The following LMF1 variants were observed in gnomAD, a reference collection of about 807,000 sequenced individuals.
LMF1 encodes lipase maturation factor 1, also known as transmembrane protein 112.
Under a neutral mutation model 60.6 loss-of-function variants are expected in LMF1, and 68 were observed. That is an observed-to-expected ratio of 1.12 (90% CI 0.92 to 1.37). The LOEUF (loss-of-function observed/expected upper bound fraction) is 1.37, where lower values mean the gene tolerates loss of function less well. LMF1 is among the 40% of genes most tolerant of loss of function. The pLI is 0.00. For synonymous variants in LMF1, 418 were observed against 324.7 expected (o/e 1.29, Z -3.09); for missense variants, 948 against 767.2 (o/e 1.24, Z -2.78).
chr16:975,285 C>T (rs1196414053), upstream of LMF1, among the ~76,000 whole-genome samples: 2 of 152,160 alleles, frequency 1.3e-5, no homozygotes, highest in Non-Finnish European at 2.9e-5. Flanking sequence ...GTGGTGTTCT[C>T]CGGTTGCAGG....
chr16:894,778 C>T (rs534535686), intron 4 of LMF1, among the ~76,000 whole-genome samples: 4 of 152,332 alleles, frequency 2.6e-5, no homozygotes, highest in South Asian at 2.1e-4. Context: ...TCGTAATGGC[C>T]GCCTCCCATC....
intron 2 of LMF1, among the ~76,000 whole-genome samples, chr16:945,497 G>A (rs2072215612): frequency 6.6e-6 from 1 of 150,908 alleles, no homozygotes; most frequent in Non-Finnish European, 1.5e-5. Flanking sequence ...CTGCATTCCA[G>A]TCTGGGTGAC....
chr16:981,221 C>G (rs1356318319), exon 1 of LMF1: 2 of 455,112 alleles, frequency 4.4e-6, no homozygotes, highest in Non-Finnish European at 8.8e-6. Flanking sequence ...TGTCCTGGAC[C>G]GCAGGCAGCA....
At chr16:859,903 G>C (rs1267690957) in intron 10 of LMF1, among the ~76,000 whole-genome samples, 7 of 141,838 alleles carry the variant, frequency 4.9e-5, no homozygotes, top group Middle Eastern at 3.5e-3. Flanking sequence ...CTCGGGATGG[G>C]TGTGCAGTGG....
intron 10 of LMF1, chr16:855,585 G>A (rs779178321): frequency 2.6e-5 from 10 of 391,064 alleles, no homozygotes; most frequent in South Asian, 3.7e-5. Context: ...ACAAGCTCCC[G>A]GCCCTCCAGG....
At chr16:918,738 T>A (rs1596991670) in intron 3 of LMF1, among the ~76,000 whole-genome samples, 1 of 137,030 alleles carries the variant, frequency 7.3e-6, no homozygotes, top group East Asian at 1.9e-4. Flanking sequence ...GAAGCACATT[T>A]TAAATCACAT....
chr16:971,142 CG>C, upstream of LMF1: 1 of 677,806 alleles, frequency 1.5e-6, no homozygotes, highest in Admixed American at 4.3e-5. Context: ...CCCCTCCAGC[CG>C]GCCCCGCCCA....
intron 5 of LMF1, among the ~76,000 whole-genome samples, chr16:887,312 C>T (rs59404124): frequency 0.026 from 4,010 of 152,282 alleles, 184 homozygotes; most frequent in African/African-American, 0.09. Context: ...GTGAGCCTTG[C>T]GGGGGCAGGC....
At chr16:890,887 C>T (rs1022536046) in intron 5 of LMF1, among the ~76,000 whole-genome samples, 5 of 152,200 alleles carry the variant, frequency 3.3e-5, no homozygotes, top group African/African-American at 7.2e-5. Flanking sequence ...GAGGGTGCCT[C>T]GAGACATCCA....
In LMF1 at chr16:874,334, A is replaced by C. The variant is rs1456315700; in HGVS notation, c.898-2993T>G. On this transcript the variant is annotated intron_variant, in intron 6 of 10. Transcript: ENST00000262301. This position sits in a 1 kb window ranked among gnomAD's most constrained non-coding sequence, Gnocchi z 4.1. ...GCGTGGGGTGCAGCCACCACAGGGCAAGGAGCCCTTTGGGCAGGGCGGGGT... is the reference window on the plus strand; with the variant it reads ...GCGTGGGGTGCAGCCACCACAGGGCCAGGAGCCCTTTGGGCAGGGCGGGGT... Among the ~76,000 whole-genome samples the C allele has an allele frequency of 6.9e-6, 1 of 145,224 alleles. No individual in the cohort carries two copies. Among genetic ancestry groups the C allele is most frequent in the Non-Finnish European group, 1.5e-5 (1 of 65,598 alleles).
intron 1 of LMF1, chr16:979,917 G>A (rs892444525): frequency 3.8e-5 from 14 of 370,374 alleles, no homozygotes; most frequent in Admixed American, 2.5e-4. Context: ...GCCACGGAAG[G>A]ATGCGGGGAC....
intron 4 of LMF1, among the ~76,000 whole-genome samples, chr16:908,464 T>C (rs898641102): frequency 6.6e-6 from 1 of 151,064 alleles, no homozygotes; most frequent in African/African-American, 2.4e-5. Context: ...CACCCACCCA[T>C]GTTTCCCTCC....
Position 868,975 on chromosome 16 carries a change from G to T in LMF1, c.1498C>A (p.His500Asn). The T allele has an allele frequency of 6.2e-7, 1 of 1,612,180 alleles. No individual in the cohort carries two copies. Among genetic ancestry groups the T allele is most frequent in the South Asian group, 1.1e-5 (1 of 91,072 alleles). Reference protein sequence around the residue: ...SDAEALSLLAHNPFAGRPPPR... With the variant: ...SDAEALSLLANNPFAGRPPPR... ...GGGGGCCTGCCCGCGAAGGGGTTGT[G>T]TGCCAGCAGGGACAAGGCCTCGGCG... The change falls in exon 10 of 11, where the codon CAC becomes AAC. Residue 500 changes from histidine to asparagine, a missense_variant. By Grantham distance (68) the His-to-Asn change is moderately conservative (BLOSUM62 1). Coordinates refer to ENST00000262301, the MANE Select transcript of LMF1 (RefSeq NM_022773.4).
At chr16:873,406 C>T (rs777221351) in intron 6 of LMF1, 1 of 152,414 alleles carries the variant, frequency 6.6e-6, no homozygotes, top group Non-Finnish European at 1.5e-5. Context: ...AAGGCCGGCA[C>T]AGGAAGAGGA....
At chr16:866,342 T>C (rs552261874) in intron 10 of LMF1, among the ~76,000 whole-genome samples, 2 of 152,328 alleles carry the variant, frequency 1.3e-5, no homozygotes, top group Admixed American at 6.5e-5. Context: ...TTGTTGTTTC[T>C]GGGTAGGGTG....
chr16:873,423 G>C (rs1474232749), intron 6 of LMF1: 1 of 152,344 alleles, frequency 6.6e-6, no homozygotes, highest in Non-Finnish European at 1.5e-5. Flanking sequence ...AGGAGCTTGA[G>C]GTGATGGAAT....
intron 3 of LMF1, among the ~76,000 whole-genome samples, chr16:912,842 T>G (rs1338053635): frequency 6.6e-6 from 1 of 152,234 alleles, no homozygotes; most frequent in East Asian, 1.9e-4. Flanking sequence ...GGGCTGCCAT[T>G]GTTCTCCGCC....
At chr16:917,024 C>T (rs1335702564) in intron 3 of LMF1, among the ~76,000 whole-genome samples, 4 of 152,290 alleles carry the variant, frequency 2.6e-5, no homozygotes, top group South Asian at 2.1e-4. Context: ...TGCTCAGCGT[C>T]GGGGATGGAG....
chr16:890,441 C>T (rs923033184), intron 5 of LMF1, among the ~76,000 whole-genome samples: 1 of 152,158 alleles, frequency 6.6e-6, no homozygotes, highest in African/African-American at 2.4e-5. Flanking sequence ...GAGACAGCAG[C>T]TGCTGCCAGA....
Sources: gnomAD v4.1 joint callset for allele counts (sites outside exome capture counted in the v4.1 genomes callset) on GRCh38, gnomAD v4.1.1 for gene constraint, Gnocchi (gnomAD v3.1) non-coding constraint, MANE v1.5 for transcripts, NCBI Gene and HGNC (gene_info 2026-07-23, HGNC 2026-07-21) for gene names.